Variants in TAB3 observed in about 807,000 individuals in gnomAD.
TAB3 encodes the protein TGF-beta activated kinase 1 (MAP3K7) binding protein 3, also known as TGF-beta-activated kinase 1 and MAP3K7-binding protein 3.
In TAB3, 18 loss-of-function variants were observed where a neutral mutation model predicts 48.1. The observed-to-expected ratio is 0.37, with a 90% CI of 0.26 to 0.55. The LOEUF (loss-of-function observed/expected upper bound fraction) is 0.55, where lower values mean the gene tolerates loss of function less well. Among genes scored for constraint, TAB3 ranks in the 20% least tolerant of loss-of-function variants. The pLI is 0.78. For missense variants in TAB3, 414 were observed against 549.8 expected, an observed-to-expected ratio of 0.75 and a Z score of 2.47; for synonymous variants, 185 against 190.2, an observed-to-expected ratio of 0.97 and a Z score of 0.22.
At chrX:30,839,980 A>C (rs1265130954) in intron 9 of TAB3, among the ~76,000 whole-genome samples, 1 of 102,688 alleles carries the variant, frequency 9.7e-6, no homozygotes, top group Non-Finnish European at 2.0e-5. Flanking sequence ...ACTAATATTT[A>C]CTGTTTTGTC....
chrX:30,876,378 A>C (rs912408790), intron 1 of TAB3, among the ~76,000 whole-genome samples: 1 of 112,346 alleles, frequency 8.9e-6, no homozygotes, highest in Non-Finnish European at 1.9e-5. Context: ...ACCAGAAGAG[A>C]CTCAGAAGGA....
chrX:30,848,427 C>T (rs958133818), intron 7 of TAB3, among the ~76,000 whole-genome samples: 4 of 111,460 alleles, frequency 3.6e-5, no homozygotes. Context: ...GAGGCTGAGG[C>T]ACGAGAATTG....
chrX:30,874,498 C>T (rs768891944), intron 1 of TAB3, among the ~76,000 whole-genome samples: 23 of 111,951 alleles, frequency 2.1e-4, no homozygotes, highest in Non-Finnish European at 2.3e-4. Context: ...CATTTGTGTA[C>T]ATTTAGAAAT....
intron 7 of TAB3, among the ~76,000 whole-genome samples, chrX:30,846,998 G>A (rs996831480): frequency 2.7e-5 from 3 of 111,244 alleles, no homozygotes; most frequent in Non-Finnish European, 3.8e-5. Flanking sequence ...CCTGTTAAAC[G>A]AGTCATGTCC....
chrX:30,880,679 C>T (rs1295903245), intron 1 of TAB3, among the ~76,000 whole-genome samples: 1 of 111,102 alleles, frequency 9.0e-6, no homozygotes, highest in Non-Finnish European at 1.9e-5. Flanking sequence ...TCCTACAAAT[C>T]GGCAAGTCAA....
rs188709022 is a variant in TAB3, at chrX:30,859,771, T to C, written c.-90-93A>G. On this transcript the variant is annotated intron_variant, in intron 4 of 10. Coordinates refer to ENST00000288422, the MANE Select transcript of TAB3 (RefSeq NM_152787.5). The stretch of plus-strand genomic sequence containing the variant: ...TATACATCTCAGTAGTGGTGGCATC[T>C]CCTCTAAGGAGGCTTCCACTGACAC... 849 of 417,210 alleles carry C rather than the reference T, an allele frequency of 2.0e-3. 6 individuals are homozygous for C. Among genetic ancestry groups the C allele is most frequent in the Non-Finnish European group, 2.1e-3 (506 of 242,910 alleles). 34.4% of individuals were successfully genotyped at this position (417,210 alleles called of 1,213,427 possible). A position where few individuals can be genotyped will look rare whatever the true frequency, so the allele number is the denominator to read the frequency against.
At chrX:30,856,777 TC>T (rs1221860981) in intron 5 of TAB3, among the ~76,000 whole-genome samples, 1 of 111,862 alleles carries the variant, frequency 8.9e-6, no homozygotes, top group Non-Finnish European at 1.9e-5. Context: ...CTATTAGAGT[TC>T]ATCTGCTCCA....
At position 30,831,412 on chromosome X, in the gene TAB3, CA is replaced by C. The variant is rs1376971425; in HGVS notation, c.*14del. On this transcript the variant is annotated 3_prime_UTR_variant, in exon 11 of 11. Transcript: ENST00000288422. ...TCAAAGTTTCACTTTCAACCTGGCGCAGACTTTTCTGAATTCAGGTGTACCG... is the reference window on the plus strand; with the variant it reads ...TCAAAGTTTCACTTTCAACCTGGCGCGACTTTTCTGAATTCAGGTGTACCG... 7.5e-6 allele frequency: 9 copies of C among 1,201,481 alleles called. No homozygotes were observed. Among genetic ancestry groups the C allele is most frequent in the Non-Finnish European group, 1.0e-5 (9 of 890,574 alleles).
chrX:30,854,728 G>C lies in TAB3; in HGVS notation c.937C>G (p.Pro313Ala). ...PFSSPQHQVQ[P>A]SQLGHIFMPP... ...ATAAAGATGTGGCCCAACTGGGAAG[G>C]TTGCACTTGATGCTGTGGAGAGCTG... The change falls in exon 6 of 11, where the codon CCT becomes GCT. Residue 313 changes from proline to alanine, a missense_variant. By Grantham distance (27) the Pro-to-Ala change is conservative (BLOSUM62 -1). Coordinates refer to ENST00000288422, the MANE Select transcript of TAB3 (RefSeq NM_152787.5). 1 of 1,211,819 alleles carries C rather than the reference G, an allele frequency of 8.3e-7. No homozygotes were observed. The highest frequency in any genetic ancestry group is 1.1e-6 in the Non-Finnish European group (1 of 895,537).
At chrX:30,866,736 T>A (rs1415744532) in intron 4 of TAB3, among the ~76,000 whole-genome samples, 4 of 109,395 alleles carry the variant, frequency 3.7e-5, no homozygotes, top group Non-Finnish European at 5.7e-5. Flanking sequence ...GGGGGGAGCC[T>A]CCCATGCAGA....
intron 5 of TAB3, among the ~76,000 whole-genome samples, chrX:30,858,323 A>T (rs753220111): frequency 1.8e-5 from 2 of 111,676 alleles, no homozygotes; most frequent in South Asian, 7.4e-4. Flanking sequence ...ATTTGGTTTC[A>T]CTCCGGTGGG....
intron 6 of TAB3, among the ~76,000 whole-genome samples, chrX:30,853,810 G>A (rs927372372): frequency 3.6e-5 from 4 of 111,756 alleles, no homozygotes; most frequent in Admixed American, 2.8e-4. Flanking sequence ...GAGTAGCTGG[G>A]ATTGCAGGCA....
intron 10 of TAB3, among the ~76,000 whole-genome samples, chrX:30,832,241 A>C (rs1407734467): frequency 8.9e-6 from 1 of 112,131 alleles, no homozygotes; most frequent in East Asian, 2.8e-4. Context: ...CAGTTTTTAA[A>C]AATGCCCATA....
Position 30,827,499 on chromosome X carries a change from C to G in TAB3, c.*3928G>C, listed in dbSNP as rs1167949910. On this transcript the variant is annotated 3_prime_UTR_variant, in exon 11 of 11. Coordinates refer to ENST00000288422, the MANE Select transcript of TAB3 (RefSeq NM_152787.5). ...GAATCTTTGACTTTCCGAATATGTA[C>G]TGTTTGGAGGTACGATGCATGCAGA... The G allele has an allele frequency of 8.9e-6, 1 of 112,589 alleles. No homozygotes were observed. The highest frequency in any genetic ancestry group is 1.9e-5 in the Non-Finnish European group (1 of 53,279). The allele number at this position is 112,589 out of a possible 1,213,427, so 9.3% of individuals were successfully genotyped here.
chrX:30,864,426 C>T (rs1055921265), intron 4 of TAB3, among the ~76,000 whole-genome samples: 4 of 111,762 alleles, frequency 3.6e-5, no homozygotes, highest in African/African-American at 9.8e-5. Flanking sequence ...AGTGGTGCAG[C>T]CACCTCCCTA....
chrX:30,853,002 A>G, intron 6 of TAB3, 64 bp from the exon 7 acceptor site: 1 of 1,091,023 alleles, frequency 9.2e-7, no homozygotes, highest in Non-Finnish European at 1.2e-6. Context: ...GAAAATTTCG[A>G]TATGCACTGC....
In TAB3 at chrX:30,831,547, A is replaced by C. The variant is rs754119519; in HGVS notation, c.2019T>G (p.Pro673=). Residue 673 remains proline (P), a synonymous_variant, in exon 11 of 11, where the codon CCT becomes CCG. Coordinates refer to ENST00000288422, the MANE Select transcript of TAB3 (RefSeq NM_152787.5). ...DEHRTGSTQS[P]RTQPRDEDYE... The stretch of plus-strand genomic sequence containing the variant: ...AGTCTTCATCTCGAGGTTGTGTCCG[A>C]GGACTTTGTGTGGAGCCAGTTCGAT... The C allele has an allele frequency of 4.1e-6, 5 of 1,211,457 alleles. No homozygotes were observed. The highest frequency in any genetic ancestry group is 5.6e-6 in the Non-Finnish European group (5 of 895,448).
intron 9 of TAB3, chrX:30,836,279 T>C (rs1222021432): frequency 8.9e-6 from 1 of 111,880 alleles, no homozygotes; most frequent in African/African-American, 3.2e-5. Flanking sequence ...AACTACTAAA[T>C]TTCTAAAATA....
At chrX:30,857,886 A>G (rs760103692) in intron 5 of TAB3, among the ~76,000 whole-genome samples, 3 of 111,733 alleles carry the variant, frequency 2.7e-5, no homozygotes, top group Non-Finnish European at 5.6e-5. Context: ...AAGACATATA[A>G]TGAACACTTT....
Sources: allele counts gnomAD v4.1 joint callset (sites outside exome capture counted in the v4.1 genomes callset), GRCh38; gene constraint gnomAD v4.1.1; transcripts MANE v1.5; gene names NCBI Gene and HGNC (gene_info 2026-07-23, HGNC 2026-07-21).